NUBPL: variants seen among roughly 807,000 people sequenced by gnomAD.
NUBPL encodes NUBP iron-sulfur cluster assembly factor, mitochondrial.
A neutral mutation model predicts 45.7 loss-of-function variants in NUBPL; 31 were observed. That is an observed-to-expected ratio of 0.68 (90% CI 0.51 to 0.92). The LOEUF (loss-of-function observed/expected upper bound fraction) is 0.92, where lower values mean the gene tolerates loss of function less well. NUBPL is among the 40% of genes least tolerant of loss of function. The pLI is 0.00. For missense variants in NUBPL, 401 were observed against 398.7 expected, an observed-to-expected ratio of 1.01 and a Z score of -0.05; for synonymous variants, 144 against 140.9, an observed-to-expected ratio of 1.02 and a Z score of -0.15.
intron 4 of NUBPL, among the ~76,000 whole-genome samples, chr14:31,622,219 C>T (rs2035081680): frequency 6.6e-6 from 1 of 152,146 alleles, no homozygotes; most frequent in African/African-American, 2.4e-5. Context: ...GCAAAGCATT[C>T]AAGATGTGAC....
chr14:31,827,007 G>A (rs2040117270), intron 8 of NUBPL, among the ~76,000 whole-genome samples: 1 of 152,088 alleles, frequency 6.6e-6, no homozygotes, highest in Non-Finnish European at 1.5e-5. Context: ...GAGTGTTTTA[G>A]GAAATTATTT....
In NUBPL at chr14:31,653,404, C is replaced by T. The variant is rs183697536; in HGVS notation, c.383-19951C>T. 9.9e-5 allele frequency among the ~76,000 whole-genome samples: 15 copies of T among 152,248 alleles called. No homozygotes were observed. The East Asian group carries it at 2.5e-3, about 25-fold the overall frequency. On this transcript the variant is annotated intron_variant, in intron 4 of 10. Transcript: ENST00000281081. ...AGAGCAGCCGTTTATAGACCTCCCCCGAGGAATGCAATTCTTTTCCTAGGG... is the reference window on the plus strand; with the variant it reads ...AGAGCAGCCGTTTATAGACCTCCCCTGAGGAATGCAATTCTTTTCCTAGGG...
At chr14:31,790,128 A>G (rs1384765983) in intron 7 of NUBPL, among the ~76,000 whole-genome samples, 1 of 152,190 alleles carries the variant, frequency 6.6e-6, no homozygotes, top group East Asian at 1.9e-4. Context: ...GTGACTTGGC[A>G]CCTTGAAAAA....
chr14:31,731,085 A>G (rs2038039358), intron 6 of NUBPL, among the ~76,000 whole-genome samples: 1 of 152,248 alleles, frequency 6.6e-6, no homozygotes, highest in African/African-American at 2.4e-5. Context: ...ATAAAAATCT[A>G]GCAACAAACT....
intron 6 of NUBPL, among the ~76,000 whole-genome samples, chr14:31,694,876 C>T (rs1410291150): frequency 6.6e-6 from 1 of 152,182 alleles, no homozygotes; most frequent in African/African-American, 2.4e-5. Context: ...TGAGGTTACA[C>T]AGTTGTATAA....
intron 6 of NUBPL, among the ~76,000 whole-genome samples, chr14:31,687,320 A>T (rs747894379): frequency 6.6e-6 from 1 of 152,234 alleles, no homozygotes; most frequent in Non-Finnish European, 1.5e-5. Flanking sequence ...ATAAAACATC[A>T]CATATGTCAT....
chr14:31,684,589 C>T (rs1160659179), intron 6 of NUBPL, among the ~76,000 whole-genome samples: 1 of 152,140 alleles, frequency 6.6e-6, no homozygotes, highest in Non-Finnish European at 1.5e-5. Context: ...CTCCCCTCTG[C>T]CATGGCCCAA....
At chr14:31,810,563 CTT>C (rs1466760799) in intron 7 of NUBPL, among the ~76,000 whole-genome samples, 1 of 152,124 alleles carries the variant, frequency 6.6e-6, no homozygotes, top group African/African-American at 2.4e-5. Flanking sequence ...GGTCTTGACT[CTT>C]TGTCCAGTTT....
chr14:31,616,632 T>C (rs2034908684), intron 4 of NUBPL, among the ~76,000 whole-genome samples: 1 of 152,172 alleles, frequency 6.6e-6, no homozygotes, highest in African/African-American at 2.4e-5. Context: ...GTGGTGTATA[T>C]ATCTGTTTTG....
chr14:31,695,002 T>C (rs2037182285), intron 6 of NUBPL, among the ~76,000 whole-genome samples: 1 of 151,576 alleles, frequency 6.6e-6, no homozygotes, highest in Admixed American at 6.6e-5. Flanking sequence ...ATTTAAAAAA[T>C]ACTGTTGTGC....
chr14:31,601,831 C>T lies in NUBPL; in HGVS notation c.382+2452C>T, dbSNP rs1361788470. ...TCAACCATTGTGGAAGTCAGTGTGG[C>T]GATTCCTCAGGGATCTAGAACTAGA... On this transcript the variant is annotated intron_variant, in intron 4 of 10. Coordinates refer to ENST00000281081, the MANE Select transcript of NUBPL (RefSeq NM_025152.3). 4.6e-5 allele frequency among the ~76,000 whole-genome samples: 7 copies of T among 152,060 alleles called. 1 individual carries two copies. The highest frequency in any genetic ancestry group is 9.7e-5 in the African/African-American group (4 of 41,396).
chr14:31,810,602 A>G (rs2039783028), intron 7 of NUBPL, among the ~76,000 whole-genome samples: 1 of 152,154 alleles, frequency 6.6e-6, no homozygotes, highest in Admixed American at 6.5e-5. Context: ...TAAATGGGGC[A>G]TTTAGCCCAT....
intron 4 of NUBPL, among the ~76,000 whole-genome samples, chr14:31,601,739 A>G (rs571015613): frequency 6.6e-6 from 1 of 152,272 alleles, no homozygotes; most frequent in South Asian, 2.1e-4. Flanking sequence ...TCAGGAAACA[A>G]CAGGTGCTGG....
intron 6 of NUBPL, among the ~76,000 whole-genome samples, chr14:31,759,563 A>ATTAT (rs1319772333): frequency 6.6e-6 from 1 of 152,044 alleles, no homozygotes; most frequent in African/African-American, 2.4e-5. Flanking sequence ...TGGAGAGAAC[A>ATTAT]TTTCAAATCT....
intron 6 of NUBPL, among the ~76,000 whole-genome samples, chr14:31,785,038 TA>T (rs780682198): frequency 6.9e-4 from 105 of 152,294 alleles, no homozygotes; most frequent in Admixed American, 1.2e-3. Context: ...TTTCTCAGTT[TA>T]TTCAGGAGTC....
intron 7 of NUBPL, among the ~76,000 whole-genome samples, chr14:31,822,504 A>G (rs1419265116): frequency 1.3e-5 from 2 of 152,132 alleles, no homozygotes; most frequent in African/African-American, 4.8e-5. Flanking sequence ...TACTATACTA[A>G]ACTTTGATGT....
At chr14:31,682,885 A>G (rs1244648508) in intron 6 of NUBPL, among the ~76,000 whole-genome samples, 1 of 152,212 alleles carries the variant, frequency 6.6e-6, no homozygotes, top group Non-Finnish European at 1.5e-5. Flanking sequence ...TACAAGAAGC[A>G]TGGCACCAAC....
At chr14:31,572,167 T>C (rs1485098507) in intron 3 of NUBPL, among the ~76,000 whole-genome samples, 6 of 151,616 alleles carry the variant, frequency 4.0e-5, no homozygotes, top group African/African-American at 1.5e-4. Flanking sequence ...TGTGATGGAG[T>C]CTTGCTGTGT....
intron 6 of NUBPL, among the ~76,000 whole-genome samples, chr14:31,703,745 A>G (rs1209892877): frequency 1.3e-5 from 2 of 152,212 alleles, no homozygotes; most frequent in Non-Finnish European, 1.5e-5. Flanking sequence ...ACAAGATGAG[A>G]TTTGGGCGGG....
Sources: gnomAD v4.1 joint callset for allele counts (sites outside exome capture counted in the v4.1 genomes callset) on GRCh38, gnomAD v4.1.1 for gene constraint, MANE v1.5 for transcripts, NCBI Gene and HGNC (gene_info 2026-07-23, HGNC 2026-07-21) for gene names.